DDX60L: variants seen among roughly 807,000 people sequenced by gnomAD.
DDX60L encodes the protein probable ATP-dependent RNA helicase DDX60-like.
A neutral mutation model predicts 211.6 loss-of-function variants in DDX60L; 191 were observed. The observed-to-expected ratio is 0.90, with a 90% confidence interval of 0.80 to 1.02. The LOEUF (loss-of-function observed/expected upper bound fraction) is 1.02. Among genes scored for constraint, DDX60L ranks in the 50% least tolerant of loss-of-function variants. The probability of loss-of-function intolerance (pLI) is 0.00; values close to 1 mark genes in which losing one functional copy is unlikely to be tolerated. For missense variants in DDX60L, 2,007 were observed against 1,984.1 expected (o/e 1.01, Z -0.22); for synonymous variants, 706 against 694.1 (o/e 1.02, Z -0.27).
chr4:168,381,321 A>T (rs1742909148), intron 30 of DDX60L, among the ~76,000 whole-genome samples: 1 of 152,100 alleles, frequency 6.6e-6, no homozygotes, highest in Non-Finnish European at 1.5e-5. Flanking sequence ...CTCCCATCAC[A>T]GGCTGGAGTG....
chr4:168,476,535 CAA>C (rs1272322443), intron 1 of DDX60L, among the ~76,000 whole-genome samples: 1 of 151,510 alleles, frequency 6.6e-6, no homozygotes, highest in Non-Finnish European at 1.5e-5. Context: ...CGAGAGGAGA[CAA>C]AGAGTCAGAG....
chr4:168,448,340 T>C (rs994172689), intron 9 of DDX60L, among the ~76,000 whole-genome samples: 1 of 152,154 alleles, frequency 6.6e-6, no homozygotes, highest in African/African-American at 2.4e-5. Flanking sequence ...TCCTTAAATG[T>C]TCAAAAATAG....
At chr4:168,369,736 AT>A (rs1284161575) in intron 36 of DDX60L, among the ~76,000 whole-genome samples, 1 of 152,148 alleles carries the variant, frequency 6.6e-6, no homozygotes, top group African/African-American at 2.4e-5. Context: ...AGCAAAAAAA[AT>A]CTATTTAAAA....
intron 8 of DDX60L, among the ~76,000 whole-genome samples, chr4:168,449,654 AAAAAAAAAAAAG>A (rs1342382021): frequency 3.4e-5 from 2 of 59,674 alleles, no homozygotes; most frequent in Non-Finnish European, 3.2e-5. Context: ...AAAAAATGCA[AAAAAAAAAAAAG>A]AAAAAAGAAA....
intron 9 of DDX60L, among the ~76,000 whole-genome samples, chr4:168,443,810 T>C (rs1754321451): frequency 6.6e-6 from 1 of 151,380 alleles, no homozygotes; most frequent in Admixed American, 6.6e-5. Flanking sequence ...TAAAATACTT[T>C]ACAGACAAGC....
Position 168,461,808 on chromosome 4 carries a change from C to T in DDX60L, c.497G>A (p.Trp166Ter). 1 of 1,606,220 alleles carries T rather than the reference C, an allele frequency of 6.2e-7. No homozygotes were observed. Among genetic ancestry groups the T allele is most frequent in the Non-Finnish European group, 8.5e-7 (1 of 1,175,472 alleles). The change falls in exon 5 of 38, where the codon TGG becomes TAG. Residue 166 changes from tryptophan (W) to a stop codon, truncating the protein, a stop_gained. Transcript: ENST00000682922. LOFTEE classifies it high-confidence loss of function. ...YLFNFLIIHS[W>*]GMKVNVVLSS... ...AAGCACAACATTGACTTTCATTCCC[C>T]AGGAATGTATGATTAGGAAGTTAAA...
intron 33 of DDX60L, among the ~76,000 whole-genome samples, chr4:168,376,766 C>A (rs925735891): frequency 6.6e-6 from 1 of 152,188 alleles, no homozygotes; most frequent in Non-Finnish European, 1.5e-5. Context: ...GCCACCTTCT[C>A]GAATGTGTAT....
chr4:168,459,011 C>T (rs1009471213), intron 5 of DDX60L, among the ~76,000 whole-genome samples: 1 of 151,922 alleles, frequency 6.6e-6, no homozygotes, highest in Non-Finnish European at 1.5e-5. Context: ...AATATAGAAA[C>T]TTAGAGAAGG....
intron 1 of DDX60L, among the ~76,000 whole-genome samples, chr4:168,475,133 G>A (rs1312324255): frequency 6.6e-6 from 1 of 152,184 alleles, no homozygotes; most frequent in Non-Finnish European, 1.5e-5. Context: ...CAACTAACTA[G>A]TTGTGTGGCC....
intron 13 of DDX60L, among the ~76,000 whole-genome samples, chr4:168,427,925 C>A (rs1478772844): frequency 6.6e-6 from 1 of 152,202 alleles, no homozygotes; most frequent in Admixed American, 6.5e-5. Flanking sequence ...TGCTCCTAGG[C>A]CTCACACTAC....
chr4:168,428,133 A>T (rs1751757994), intron 13 of DDX60L, among the ~76,000 whole-genome samples: 1 of 152,174 alleles, frequency 6.6e-6, no homozygotes, highest in Non-Finnish European at 1.5e-5. Flanking sequence ...ATTCACTTTG[A>T]TCCTTATGCT....
chr4:168,372,689 T>A (rs1741238901), intron 35 of DDX60L, among the ~76,000 whole-genome samples: 1 of 150,102 alleles, frequency 6.7e-6, no homozygotes, highest in Non-Finnish European at 1.5e-5. Flanking sequence ...ATAGTGCCAC[T>A]GCACTCCAGC....
Position 168,404,115 on chromosome 4 carries a change from G to GT in DDX60L, c.3214-10dup. ...TTCAGTACTCTTTTGACCTACAACA[G>GT]TAAGTAAAAATTATTTAAAAAAAAA... On this transcript the variant is annotated splice_polypyrimidine_tract_variant and intron_variant, in intron 24 of 37. Coordinates refer to ENST00000682922, the MANE Select transcript of DDX60L (RefSeq NM_001012967.3). The GT allele has an allele frequency of 7.9e-7, 1 of 1,262,760 alleles. No homozygotes were observed. Among genetic ancestry groups the GT allele is most frequent in the Non-Finnish European group, 1.0e-6 (1 of 977,786 alleles). 78.2% of individuals were successfully genotyped at this position (1,262,760 alleles called of 1,614,324 possible).
chr4:168,397,773 A>T (rs557856899), intron 26 of DDX60L, among the ~76,000 whole-genome samples: 2 of 152,310 alleles, frequency 1.3e-5, no homozygotes, highest in East Asian at 3.9e-4. Flanking sequence ...GCAGTGGGAG[A>T]GGCAAGGCCA....
intron 24 of DDX60L, among the ~76,000 whole-genome samples, chr4:168,405,469 C>T (rs1345185159): frequency 6.6e-6 from 1 of 152,194 alleles, no homozygotes; most frequent in East Asian, 1.9e-4. Context: ...TATAAATTTG[C>T]CTGAGCCTCT....
chr4:168,423,753 C>G lies in DDX60L; in HGVS notation c.1952G>C (p.Ser651Thr). 6.4e-7 allele frequency: 1 copy of G among 1,574,542 alleles called. No homozygotes were observed. Among genetic ancestry groups the G allele is most frequent in the Non-Finnish European group, 8.6e-7 (1 of 1,168,904 alleles). Reference sequence around the variant, plus strand: ...CCTTTTCATCATTTGAACAGCTATACTTAAATCTTTCGAAATTTTGCCTTG... The same window carrying G: ...CCTTTTCATCATTTGAACAGCTATAGTTAAATCTTTCGAAATTTTGCCTTG... Reference protein sequence around the residue: ...RGEGKISKDLSIAVQMMKRIH... With the variant: ...RGEGKISKDLTIAVQMMKRIH... The change falls in exon 15 of 38, where the codon AGT becomes ACT. Residue 651 changes from serine (S) to threonine (T), a missense_variant. By Grantham distance (58) the Ser-to-Thr change is moderately conservative. Transcript: ENST00000682922.
At chr4:168,449,652 C>CAAAAAAAAAAA in intron 8 of DDX60L, among the ~76,000 whole-genome samples, 22 of 7,930 alleles carry the variant, frequency 2.8e-3, no homozygotes, top group East Asian at 5.2e-3. Context: ...AAAAAAAATG[C>CAAAAAAAAAAA]AAAAAAAAAA....
intron 4 of DDX60L, among the ~76,000 whole-genome samples, chr4:168,467,461 AT>A (rs1256381035): frequency 5.3e-5 from 8 of 149,868 alleles, no homozygotes; most frequent in Non-Finnish European, 1.0e-4. Flanking sequence ...AAAAAAAAAA[AT>A]GAAAGAAGGA....
intron 1 of DDX60L, among the ~76,000 whole-genome samples, chr4:168,477,211 C>G (rs185736022): frequency 2.4e-4 from 36 of 152,144 alleles, no homozygotes; most frequent in South Asian, 1.0e-3. Context: ...GTCAGGAGAT[C>G]GAGACCATCC....
Sources: allele counts gnomAD v4.1 joint callset (sites outside exome capture counted in the v4.1 genomes callset), GRCh38; gene constraint gnomAD v4.1.1; transcripts MANE v1.5; gene names NCBI Gene and HGNC (gene_info 2026-07-23, HGNC 2026-07-21).